PTPRA: variants seen among roughly 807,000 people sequenced by gnomAD.
The protein encoded by PTPRA is protein tyrosine phosphatase receptor type A.
In PTPRA, 25 loss-of-function variants were observed where a neutral mutation model predicts 104.8. That is an observed-to-expected ratio of 0.24 (90% CI 0.17 to 0.33). The LOEUF (loss-of-function observed/expected upper bound fraction) is 0.33. Among genes scored for constraint, PTPRA ranks in the 10% least tolerant of loss-of-function variants. The pLI, the probability that PTPRA is intolerant of heterozygous loss-of-function variation, is 1.00. For missense variants in PTPRA, 765 were observed against 1,015.3 expected, an observed-to-expected ratio of 0.75 and a Z score of 3.35; for synonymous variants, 323 against 368.9, an observed-to-expected ratio of 0.88 and a Z score of 1.43.
intron 17 of PTPRA, among the ~76,000 whole-genome samples, chr20:3,025,361 G>A (rs2065079854): frequency 6.6e-6 from 1 of 151,156 alleles, no homozygotes; most frequent in Non-Finnish European, 1.5e-5. Context: ...GCTGAGGCGA[G>A]AGAATTGCTT....
intron 2 of PTPRA, among the ~76,000 whole-genome samples, chr20:2,940,284 T>C (rs1274191097): frequency 6.6e-6 from 1 of 151,962 alleles, no homozygotes; most frequent in African/African-American, 2.4e-5. Flanking sequence ...AGTTAAGGGG[T>C]TTTCCCCCAA....
At chr20:2,865,116 TC>T in the PTPRA span, 7 of 1,614,078 alleles carry the variant, frequency 4.3e-6, no homozygotes, top group Non-Finnish European at 5.9e-6. The surrounding 1 kb of genome is among the most constrained non-coding windows in gnomAD (Gnocchi z 5.2). Context: ...TGGTCCCTCA[TC>T]CCCATCATGC....
intron 2 of PTPRA, 78 bp downstream of exon 2, chr20:2,923,363 G>A: frequency 9.8e-7 from 1 of 1,018,254 alleles, no homozygotes; most frequent in Non-Finnish European, 1.3e-6. Flanking sequence ...AACATCACAT[G>A]CTTTCCTGCT....
chr20:2,996,118 AG>A (rs967726886), intron 9 of PTPRA, among the ~76,000 whole-genome samples: 23 of 152,216 alleles, frequency 1.5e-4, no homozygotes, highest in Admixed American at 3.3e-4. Flanking sequence ...AAGGTCCTCT[AG>A]TTAAAAGCAA....
intron 1 of PTPRA, among the ~76,000 whole-genome samples, chr20:2,883,260 T>C (rs1041993500): frequency 3.3e-5 from 5 of 152,178 alleles, no homozygotes; most frequent in African/African-American, 1.2e-4. Flanking sequence ...AACCTGAACC[T>C]AGCAAATATC....
At chr20:2,988,526 A>G in intron 9 of PTPRA, 52 bp downstream of exon 9, 11 of 1,583,238 alleles carry the variant, frequency 6.9e-6, no homozygotes, top group Non-Finnish European at 9.4e-6. Flanking sequence ...GCAGACCTAA[A>G]GTCAGACCTT....
Position 3,035,974 on chromosome 20 carries a change from GAA to G in PTPRA, c.2198+35_2198+36del, listed in dbSNP as rs1401916757. 2.5e-6 allele frequency: 4 copies of G among 1,611,914 alleles called. No homozygotes were observed. The African/African-American group carries it at 4.0e-5, about 16-fold the overall frequency. ...TCACCCTTGCCCTCAGCGGGAGAGAGAAAGCGAGGAGGGGCAGATAGGGGAAG... is the reference window on the plus strand; with the variant it reads ...TCACCCTTGCCCTCAGCGGGAGAGAGAGCGAGGAGGGGCAGATAGGGGAAG... On this transcript the variant is annotated intron_variant, in intron 22 of 23. Transcript: ENST00000399903. This position sits in a 1 kb window ranked among gnomAD's most constrained non-coding sequence, Gnocchi z 5.8.
At chr20:2,968,729 C>G (rs189622089) in intron 5 of PTPRA, among the ~76,000 whole-genome samples, 1 of 151,902 alleles carries the variant, frequency 6.6e-6, no homozygotes. Context: ...GCCTAAGCAT[C>G]GCAGCAAAAC....
rs1051958099 is a variant in PTPRA at position 3,027,894 on chromosome 20, T to C, written c.1920+53T>C. ...GAGACAGAGACAGCATGAAAAGATG[T>C]GTGTGTAAATGGGGACGTTGGGAAG... is the stretch of plus-strand genomic sequence containing the variant. On this transcript the variant is annotated intron_variant, in intron 20 of 23. Coordinates refer to ENST00000399903, the MANE Select transcript of PTPRA (RefSeq NM_001385305.1). 1.9e-6 allele frequency: 3 copies of C among 1,602,350 alleles called. No homozygotes were observed. In the African/African-American group the frequency reaches 4.0e-5, roughly 21 times the overall value.
At chr20:2,977,186 G>C (rs2062468157) in intron 6 of PTPRA, among the ~76,000 whole-genome samples, 1 of 151,598 alleles carries the variant, frequency 6.6e-6, no homozygotes, top group Non-Finnish European at 1.5e-5. Context: ...TGAGTCAGGA[G>C]AATTGCTTGA....
upstream of PTPRA, among the ~76,000 whole-genome samples, chr20:2,871,910 A>C (rs534901480): frequency 6.6e-6 from 1 of 152,148 alleles, no homozygotes; most frequent in African/African-American, 2.4e-5. Context: ...GCTGAGAGGG[A>C]GAGAGAGTCA....
intron 2 of PTPRA, among the ~76,000 whole-genome samples, chr20:2,940,227 A>G (rs1357496508): frequency 6.6e-6 from 1 of 152,258 alleles, no homozygotes; most frequent in Non-Finnish European, 1.5e-5. Context: ...CTTTAGTTCC[A>G]GTAGTTTTTT....
rs748056084 is a variant in PTPRA, at chr20:3,007,439, C to T, written c.906+19C>T. Reference sequence around the variant, plus strand: ...CATCAACGTAAGGATCGGGTGCTTTCCCTGTCACTTCCCTGCCTGACCATT... The same window carrying T: ...CATCAACGTAAGGATCGGGTGCTTTTCCTGTCACTTCCCTGCCTGACCATT... On this transcript the variant is annotated intron_variant, in intron 11 of 23. Transcript: ENST00000399903. 1.2e-6 allele frequency: 2 copies of T among 1,604,850 alleles called. No homozygotes were observed. The highest frequency in any genetic ancestry group is 3.3e-5 in the Admixed American group (2 of 59,940).
At chr20:2,865,937 A>ACTTC in the PTPRA span, 1 of 510,580 alleles carries the variant, frequency 2.0e-6, no homozygotes. The surrounding 1 kb of genome is among the most constrained non-coding windows in gnomAD (Gnocchi z 5.2). Context: ...GGTGGCAGGA[A>ACTTC]CGCCTGTTGC....
At position 2,906,021 on chromosome 20, in the gene PTPRA, T is replaced by C. The variant is rs77149573; in HGVS notation, c.-128-17186T>C. On this transcript the variant is annotated intron_variant, in intron 1 of 23. Transcript: ENST00000399903. ...CTTAAACGATCTATACTCAGTTGTC[T>C]TACAGTTGCCTAGATTCTTGTTCCA... is the stretch of plus-strand genomic sequence containing the variant. Among the ~76,000 whole-genome samples the C allele has an allele frequency of 9.1e-3, 1,385 of 152,278 alleles. 8 individuals are homozygous for C. The highest frequency in any genetic ancestry group is 0.014 in the Non-Finnish European group (953 of 68,012).
intron 10 of PTPRA, 74 bp from the exon 11 acceptor site, chr20:3,007,270 A>G (rs2063920499): frequency 2.8e-6 from 4 of 1,417,606 alleles, no homozygotes; most frequent in Non-Finnish European, 4.0e-6. Flanking sequence ...AGATGTCTCA[A>G]CTGTCCTGGT....
At chr20:2,896,246 G>A (rs928295002) in intron 1 of PTPRA, among the ~76,000 whole-genome samples, 9 of 152,066 alleles carry the variant, frequency 5.9e-5, no homozygotes, top group Non-Finnish European at 8.8e-5. Flanking sequence ...GGGCATGGTG[G>A]TGGGTGCCTG....
chr20:2,962,044 C>A (rs888161561), intron 3 of PTPRA, among the ~76,000 whole-genome samples: 33 of 152,158 alleles, frequency 2.2e-4, no homozygotes, highest in Non-Finnish European at 1.5e-4. Context: ...ATCTTTGACT[C>A]TTCTTTAATA....
intron 1 of PTPRA, among the ~76,000 whole-genome samples, chr20:2,917,110 A>G (rs978558521): frequency 6.6e-6 from 1 of 151,478 alleles, no homozygotes; most frequent in African/African-American, 2.4e-5. Context: ...GGCACACACC[A>G]TCCGCCCAAC....
Sources: allele counts gnomAD v4.1 joint callset (sites outside exome capture counted in the v4.1 genomes callset), GRCh38; gene constraint gnomAD v4.1.1; non-coding constraint Gnocchi (gnomAD v3.1); transcripts MANE v1.5; gene names NCBI Gene and HGNC (gene_info 2026-07-23, HGNC 2026-07-21).